CSMD1: variants seen among roughly 807,000 people sequenced by gnomAD.
The protein encoded by CSMD1 is CUB and Sushi multiple domains 1.
A neutral mutation model predicts 417.5 loss-of-function variants in CSMD1; 213 were observed. The observed-to-expected ratio is 0.51, with a 90% CI of 0.46 to 0.57. The LOEUF (loss-of-function observed/expected upper bound fraction) is 0.57, where lower values mean the gene tolerates loss of function less well. Ranked by LOEUF, CSMD1 falls within the 20% of genes least tolerant of loss-of-function variation. The pLI, the probability that CSMD1 is intolerant of heterozygous loss-of-function variation, is 0.00. For synonymous variants in CSMD1, 2,862 were observed against 1,736.8 expected (o/e 1.65, Z -16.11); for missense variants, 6,923 against 4,529.7 (o/e 1.53, Z -15.17).
intron 3 of CSMD1, among the ~76,000 whole-genome samples, chr8:4,130,426 C>G (rs1054800689): frequency 6.6e-6 from 1 of 152,126 alleles, no homozygotes; most frequent in South Asian, 2.1e-4. Flanking sequence ...TCACCGTCAT[C>G]CTCAGTTTAG....
At chr8:3,930,131 T>A (rs1311729094) in intron 5 of CSMD1, among the ~76,000 whole-genome samples, 2 of 150,278 alleles carry the variant, frequency 1.3e-5, no homozygotes, top group Non-Finnish European at 1.5e-5. Context: ...ACAAAAGCAG[T>A]ACCCTACCAT....
intron 3 of CSMD1, among the ~76,000 whole-genome samples, chr8:4,324,587 C>G (rs997851148): frequency 6.6e-6 from 1 of 152,186 alleles, no homozygotes; most frequent in African/African-American, 2.4e-5. Context: ...GATAAACCTA[C>G]TAGGAACAAG....
intron 2 of CSMD1, among the ~76,000 whole-genome samples, chr8:4,617,692 G>A (rs763424662): frequency 6.6e-6 from 1 of 152,138 alleles, no homozygotes; most frequent in African/African-American, 2.4e-5. Flanking sequence ...AGCCCTCAGT[G>A]AATCTGTTCT....
chr8:3,370,250 C>T (rs1186807290), intron 18 of CSMD1, among the ~76,000 whole-genome samples: 1 of 152,190 alleles, frequency 6.6e-6, no homozygotes, highest in Non-Finnish European at 1.5e-5. Context: ...CTTAAGACCT[C>T]TCAAGCTATC....
intron 12 of CSMD1, among the ~76,000 whole-genome samples, chr8:3,449,050 G>A (rs562932142): frequency 6.6e-6 from 1 of 152,178 alleles, no homozygotes; most frequent in East Asian, 1.9e-4. Context: ...AAAGGAAATG[G>A]GAAAGGATCA....
intron 2 of CSMD1, among the ~76,000 whole-genome samples, chr8:4,613,204 G>A (rs76443201): frequency 2.6e-5 from 4 of 152,182 alleles, no homozygotes; most frequent in Admixed American, 1.3e-4. Context: ...CAGTTGGTAA[G>A]AGAGAAAACA....
chr8:4,726,734 G>C (rs1809485842), intron 1 of CSMD1, among the ~76,000 whole-genome samples: 2 of 152,264 alleles, frequency 1.3e-5, no homozygotes, highest in Admixed American at 1.3e-4. Context: ...TTTCACTTCA[G>C]CATGGGCTGG....
intron 10 of CSMD1, among the ~76,000 whole-genome samples, chr8:3,513,550 T>C (rs898596916): frequency 5.9e-5 from 9 of 152,156 alleles, no homozygotes; most frequent in African/African-American, 2.2e-4. Flanking sequence ...CCTATCCTGT[T>C]AGTTCTGTCC....
intron 1 of CSMD1, among the ~76,000 whole-genome samples, chr8:4,813,405 T>C (rs1306325718): frequency 6.6e-6 from 1 of 152,200 alleles, no homozygotes; most frequent in East Asian, 1.9e-4. Flanking sequence ...AACTTTAATT[T>C]TATGGAACTC....
At chr8:3,482,831 G>T (rs1485051198) in intron 11 of CSMD1, among the ~76,000 whole-genome samples, 1 of 152,024 alleles carries the variant, frequency 6.6e-6, no homozygotes, top group African/African-American at 2.4e-5. Flanking sequence ...AAAGGCAGTA[G>T]AAAAATCTCT....
At chr8:4,702,803 A>T (rs1425527526) in intron 1 of CSMD1, among the ~76,000 whole-genome samples, 1 of 152,154 alleles carries the variant, frequency 6.6e-6, no homozygotes, top group Admixed American at 6.5e-5. Flanking sequence ...ATAAATAATA[A>T]TAGCGGGATT....
chr8:4,405,736 G>C (rs1039807285), intron 3 of CSMD1, among the ~76,000 whole-genome samples: 6 of 152,162 alleles, frequency 3.9e-5, no homozygotes. Flanking sequence ...TTTGAAGTTA[G>C]TGCACCACCA....
At position 3,887,207 on chromosome 8, in the gene CSMD1, G is replaced by T. The variant is rs370187704; in HGVS notation, c.818+110696C>A. 7.9e-5 allele frequency among the ~76,000 whole-genome samples: 12 copies of T among 152,274 alleles called. No homozygotes were observed. In the East Asian group the frequency reaches 2.1e-3, roughly 27 times the overall value. On this transcript the variant is annotated intron_variant, in intron 5 of 69. Transcript: ENST00000635120. ...GTTCAAGCGCCCAGAGGCAATCAGC[G>T]TCAACAAGGAACATCTTAGCCATGA...
intron 7 of CSMD1, 22 bp from the exon 8 acceptor site, chr8:3,616,819 T>C (rs1393455432): frequency 1.9e-6 from 3 of 1,555,410 alleles, no homozygotes; most frequent in Admixed American, 1.7e-5. Flanking sequence ...AGAAACATTG[T>C]CAAAATGCTG....
chr8:4,368,598 G>A (rs1312268391), intron 3 of CSMD1, among the ~76,000 whole-genome samples: 2 of 152,018 alleles, frequency 1.3e-5, no homozygotes, highest in Admixed American at 1.3e-4. Flanking sequence ...AATACATTTG[G>A]TCCAGGACTT....
intron 7 of CSMD1, among the ~76,000 whole-genome samples, chr8:3,641,834 C>A (rs951748582): frequency 2.6e-5 from 4 of 152,246 alleles, no homozygotes; most frequent in African/African-American, 9.6e-5. Context: ...TTCCCTCAAA[C>A]CTACCATAAC....
intron 3 of CSMD1, among the ~76,000 whole-genome samples, chr8:4,369,953 G>A (rs1174833621): frequency 6.6e-6 from 1 of 151,864 alleles, no homozygotes; most frequent in East Asian, 1.9e-4. Context: ...TTACATTCTG[G>A]GTCAATACTG....
chr8:4,225,547 T>C (rs865904886), intron 3 of CSMD1, among the ~76,000 whole-genome samples: 59 of 151,992 alleles, frequency 3.9e-4, no homozygotes, highest in African/African-American at 1.4e-3. Flanking sequence ...TTTTTTCTTC[T>C]TCCTTAGCAT....
chr8:4,277,869 T>A lies in CSMD1; in HGVS notation c.415+142084A>T, dbSNP rs568133091. Among the ~76,000 whole-genome samples the A allele has an allele frequency of 2.0e-5, 3 of 152,234 alleles. No homozygotes were observed. The South Asian group carries it at 6.2e-4, about 32-fold the overall frequency. ...TTCACACCATTCTCCTGCCTCAGCC[T>A]CCCGAGTAGATGGGACTACAGGCGC... is the stretch of plus-strand genomic sequence containing the variant. On this transcript the variant is annotated intron_variant, in intron 3 of 69. Coordinates refer to ENST00000635120, the MANE Select transcript of CSMD1 (RefSeq NM_033225.6).
Sources: gnomAD v4.1 joint callset for allele counts (sites outside exome capture counted in the v4.1 genomes callset) on GRCh38, gnomAD v4.1.1 for gene constraint, MANE v1.5 for transcripts, NCBI Gene and HGNC (gene_info 2026-07-23, HGNC 2026-07-21) for gene names.